Variants in RAB10 observed in about 807,000 individuals in gnomAD.
RAB10 encodes the protein ras-related protein Rab-10.
Under a neutral mutation model 25.7 loss-of-function variants are expected in RAB10, and 5 were observed. The observed-to-expected ratio is 0.19, with a 90% CI of 0.10 to 0.41. The LOEUF is 0.41. RAB10 is among the 10% of genes least tolerant of loss of function. The pLI is 1.00. For missense variants in RAB10, 103 were observed against 245.8 expected, an observed-to-expected ratio of 0.42 and a Z score of 3.89; for synonymous variants, 89 against 86.4, an observed-to-expected ratio of 1.03 and a Z score of -0.16.
Position 26,043,575 on chromosome 2 carries a change from A to AT in RAB10, c.127+8842dup, listed in dbSNP as rs142336054. Among the ~76,000 whole-genome samples the AT allele has an allele frequency of 6.2e-3, 949 of 152,392 alleles. 3 individuals carry two copies. Among genetic ancestry groups the AT allele is most frequent in the African/African-American group, 0.022 (915 of 41,592 alleles). On this transcript the variant is annotated intron_variant, in intron 1 of 5. Coordinates refer to ENST00000264710, the MANE Select transcript of RAB10 (RefSeq NM_016131.5). ...ATGTGGTATACACATAGAATGGAAT[A>AT]TTATTCAGCCTTAAAAGGGAGGGAA...
chr2:26,133,786 G>A (rs1668054284), intron 5 of RAB10, among the ~76,000 whole-genome samples: 1 of 151,888 alleles, frequency 6.6e-6, no homozygotes, highest in Non-Finnish European at 1.5e-5. Context: ...CGATTCTCCT[G>A]CCTCAGCCTC....
At chr2:26,086,967 G>A (rs1420208806) in intron 1 of RAB10, among the ~76,000 whole-genome samples, 1 of 152,190 alleles carries the variant, frequency 6.6e-6, no homozygotes, top group Non-Finnish European at 1.5e-5. Context: ...GGGACTGGAG[G>A]GGAGGGGAGA....
At chr2:26,083,728 A>C (rs924246872) in intron 1 of RAB10, among the ~76,000 whole-genome samples, 1 of 152,166 alleles carries the variant, frequency 6.6e-6, no homozygotes, top group Non-Finnish European at 1.5e-5. Context: ...TGTGTTGGCC[A>C]GGCTGGTCTC....
chr2:26,102,439 CTTT>C (rs562310195), intron 2 of RAB10, among the ~76,000 whole-genome samples: 3 of 124,364 alleles, frequency 2.4e-5, no homozygotes. Flanking sequence ...TTTTTTCTTT[CTTT>C]TTTTTTTTTT....
chr2:26,050,258 T>G (rs903114234), intron 1 of RAB10, among the ~76,000 whole-genome samples: 2 of 152,154 alleles, frequency 1.3e-5, no homozygotes, highest in Non-Finnish European at 2.9e-5. Context: ...AGGCATAGAG[T>G]TCTAGGTTGA....
intron 1 of RAB10, among the ~76,000 whole-genome samples, chr2:26,045,226 A>G (rs1665973642): frequency 7.7e-6 from 1 of 130,554 alleles, no homozygotes; most frequent in African/African-American, 2.9e-5. Context: ...AAATACTGGC[A>G]ATCTCTTTCA....
chr2:26,063,542 C>T (rs1291090766), intron 1 of RAB10, among the ~76,000 whole-genome samples: 1 of 152,118 alleles, frequency 6.6e-6, no homozygotes, highest in Non-Finnish European at 1.5e-5. Context: ...CATTGTCTTA[C>T]ATAAGCACAG....
intron 1 of RAB10, among the ~76,000 whole-genome samples, chr2:26,076,836 C>A (rs552806780): frequency 4.6e-5 from 7 of 150,906 alleles, no homozygotes; most frequent in African/African-American, 7.3e-5. Context: ...CCCAGCTACT[C>A]GGGAGGCTGA....
chr2:26,063,068 T>C (rs115963338), intron 1 of RAB10, among the ~76,000 whole-genome samples: 1,643 of 149,310 alleles, frequency 0.011, 29 homozygotes, highest in African/African-American at 0.038. Flanking sequence ...TGAGCCGACA[T>C]CACACCATTG....
chr2:26,090,010 T>C (rs542125559), intron 1 of RAB10, among the ~76,000 whole-genome samples: 9 of 152,340 alleles, frequency 5.9e-5, no homozygotes, highest in African/African-American at 1.9e-4. Flanking sequence ...TAAATTCTAA[T>C]ACTGTTTCCT....
Position 26,085,489 on chromosome 2 carries a change from A to G in RAB10, c.128-13173A>G, listed in dbSNP as rs990437722. ...GGGTGGCAGAGCAAGACTGTGTCTC[A>G]AAAAAAAAAAAAAAAAAGTTATGCA... On this transcript the variant is annotated intron_variant, in intron 1 of 5. Transcript: ENST00000264710. Among the ~76,000 whole-genome samples the G allele has an allele frequency of 4.5e-4, 59 of 130,494 alleles. 2 individuals are homozygous for G. The South Asian group carries it at 0.013, about 29-fold the overall frequency. 85.6% of individuals were successfully genotyped at this position (130,494 alleles called of 152,430 possible).
At chr2:26,067,968 G>C (rs1248245148) in intron 1 of RAB10, among the ~76,000 whole-genome samples, 2 of 152,176 alleles carry the variant, frequency 1.3e-5, no homozygotes, top group Non-Finnish European at 2.9e-5. Flanking sequence ...GTTGATATAT[G>C]TTCATCAAGT....
At chr2:26,033,691 T>G (rs1270086297), upstream of RAB10, among the ~76,000 whole-genome samples, 11 of 151,952 alleles carry the variant, frequency 7.2e-5, no homozygotes, top group Non-Finnish European at 1.5e-4. Flanking sequence ...ACAAGCGCTG[T>G]GCAGAGAAAC....
chr2:26,098,658 G>A lies in RAB10; in HGVS notation c.128-4G>A, dbSNP rs547459278. 8.8e-5 allele frequency: 139 copies of A among 1,579,350 alleles called. No homozygotes were observed. In the South Asian group the frequency reaches 1.3e-3, roughly 15 times the overall value. On this transcript the variant is annotated splice_polypyrimidine_tract_variant and splice_region_variant and intron_variant, in intron 1 of 5. Coordinates refer to ENST00000264710, the MANE Select transcript of RAB10 (RefSeq NM_016131.5). Reference sequence around the variant, plus strand: ...TACAGTTTACCTTTTTTTCTGCATTGTAGGAATAGACTTCAAGATCAAAAC... The same window carrying A: ...TACAGTTTACCTTTTTTTCTGCATTATAGGAATAGACTTCAAGATCAAAAC...
intron 1 of RAB10, among the ~76,000 whole-genome samples, chr2:26,039,530 G>A (rs1367807906): frequency 6.6e-6 from 1 of 150,456 alleles, no homozygotes; most frequent in Non-Finnish European, 1.5e-5. Flanking sequence ...TGTATTTTTA[G>A]TAGAGATGCG....
intron 3 of RAB10, among the ~76,000 whole-genome samples, chr2:26,117,652 GT>G (rs1341749675): frequency 6.6e-5 from 10 of 150,440 alleles, no homozygotes; most frequent in Non-Finnish European, 1.2e-4. Flanking sequence ...AAACAAAAGA[GT>G]TAGGAAGTAC....
At chr2:26,132,285 C>T (rs1668025959) in intron 5 of RAB10, among the ~76,000 whole-genome samples, 1 of 152,158 alleles carries the variant, frequency 6.6e-6, no homozygotes, top group Non-Finnish European at 1.5e-5. Flanking sequence ...CGGAATTTTG[C>T]CCTTGTTGCC....
Position 26,105,968 on chromosome 2 carries a change from C to T in RAB10, c.189-3800C>T, listed in dbSNP as rs373961373. 3.0e-4 allele frequency among the ~76,000 whole-genome samples: 46 copies of T among 152,276 alleles called. No homozygotes were observed. In the East Asian group the frequency reaches 3.5e-3, roughly 11 times the overall value. On this transcript the variant is annotated intron_variant, in intron 2 of 5. Transcript: ENST00000264710. Reference sequence around the variant, plus strand: ...CTAATCATTTAGGTTTGTATAAGTACGCTCTATGATGTGTGCACAATGATG... The same window carrying T: ...CTAATCATTTAGGTTTGTATAAGTATGCTCTATGATGTGTGCACAATGATG...
intron 2 of RAB10, among the ~76,000 whole-genome samples, chr2:26,099,031 A>C (rs1218855996): frequency 6.6e-6 from 1 of 152,270 alleles, no homozygotes; most frequent in African/African-American, 2.4e-5. Context: ...GAAATAATAT[A>C]TGCAAAGTTT....
Sources: allele counts gnomAD v4.1 joint callset (sites outside exome capture counted in the v4.1 genomes callset), GRCh38; gene constraint gnomAD v4.1.1; transcripts MANE v1.5; gene names NCBI Gene and HGNC (gene_info 2026-07-23, HGNC 2026-07-21).